SEL1L: variants seen among roughly 807,000 people sequenced by gnomAD.
SEL1L encodes protein sel-1 homolog 1.
Under a neutral mutation model 109.8 loss-of-function variants are expected in SEL1L, and 52 were observed. That is an observed-to-expected ratio of 0.47 (90% CI 0.38 to 0.60). The LOEUF is 0.60. Ranked by LOEUF, SEL1L falls within the 20% of genes least tolerant of loss-of-function variation. The pLI is 0.00. For missense variants in SEL1L, 749 were observed against 962.2 expected (o/e 0.78, Z 2.93); for synonymous variants, 373 against 339.6 (o/e 1.10, Z -1.08).
intron 3 of SEL1L, among the ~76,000 whole-genome samples, chr14:81,508,348 A>G (rs1404427501): frequency 6.6e-6 from 1 of 152,148 alleles, no homozygotes; most frequent in Non-Finnish European, 1.5e-5. Flanking sequence ...ATAGGCAAGG[A>G]ATCCTTTAGC....
intron 3 of SEL1L, among the ~76,000 whole-genome samples, chr14:81,521,347 T>A (rs1451510751): frequency 6.6e-6 from 1 of 152,042 alleles, no homozygotes; most frequent in Admixed American, 6.5e-5. Context: ...ATCCTTGTTC[T>A]GCCTGGAAAA....
At chr14:81,507,387 T>G (rs4899788) in intron 3 of SEL1L, among the ~76,000 whole-genome samples, 151,983 of 152,212 alleles carry the variant, frequency 1, 75,877 homozygotes, top group East Asian at 1. Flanking sequence ...CTCAAGTGAT[T>G]CTAAGGAGGT....
chr14:81,505,942 A>T, intron 4 of SEL1L, 132 bp downstream of exon 4: 1 of 815,978 alleles, frequency 1.2e-6, no homozygotes, highest in Non-Finnish European at 1.9e-6. Flanking sequence ...TCCACTCTTT[A>T]AGGCTGTAAT....
chr14:81,496,186 T>C (rs1883740430), intron 10 of SEL1L, among the ~76,000 whole-genome samples: 1 of 151,568 alleles, frequency 6.6e-6, no homozygotes, highest in African/African-American at 2.4e-5. Flanking sequence ...TAGCCGGGCA[T>C]GGTAGCGGGT....
chr14:81,479,787 T>C, intron 19 of SEL1L, 47 bp from the exon 20 acceptor site: 7 of 1,518,444 alleles, frequency 4.6e-6, no homozygotes, highest in Non-Finnish European at 5.4e-6. Flanking sequence ...TCAAAATAAG[T>C]AAAAATATTT....
At chr14:81,492,822 C>T (rs945107034) in intron 11 of SEL1L, among the ~76,000 whole-genome samples, 3 of 152,172 alleles carry the variant, frequency 2.0e-5, no homozygotes, top group Non-Finnish European at 4.4e-5. Flanking sequence ...GTACAACAAG[C>T]CTCCTGTTAC....
Position 81,526,837 on chromosome 14 carries a change from A to G in SEL1L, c.236T>C (p.Leu79Pro). The change falls in exon 3 of 21, where the codon CTC (leucine) becomes CCC (proline). Residue 79 changes from leucine (L) to proline (P), a missense_variant. Leu to Pro is a moderately conservative substitution (Grantham distance 98, BLOSUM62 -3). Transcript: ENST00000336735. The stretch of plus-strand genomic sequence containing the variant: ...GACACTTTCCCCCTCTTGGCTCTTG[A>G]GGCTGTCTTCCTCTTCTTGAATAGA... The part of the protein sequence containing the change: ...ESSIQEEEDS[L>P]KSQEGESVTE... 6.2e-7 allele frequency: 1 copy of G among 1,604,208 alleles called. No individual in the cohort carries two copies. The highest frequency in any genetic ancestry group is 1.1e-5 in the South Asian group (1 of 89,052).
intron 1 of SEL1L, among the ~76,000 whole-genome samples, chr14:81,533,071 T>C (rs1285141672): frequency 6.6e-6 from 1 of 152,174 alleles, no homozygotes; most frequent in African/African-American, 2.4e-5. Flanking sequence ...CATCATAAAA[T>C]GACTGTCAAC....
rs765368724 is a variant in SEL1L at position 81,490,376 on chromosome 14, A to G, written c.1332+12T>C. The G allele has an allele frequency of 2.4e-5, 39 of 1,601,666 alleles. No individual in the cohort carries two copies. Among genetic ancestry groups the G allele is most frequent in the Non-Finnish European group, 3.2e-5 (37 of 1,169,000 alleles). On this transcript the variant is annotated intron_variant, in intron 13 of 20. Transcript: ENST00000336735. The stretch of plus-strand genomic sequence containing the variant: ...ATGGTACACATTTCAGTACACTGAG[A>G]CAAAGCCTTACCATGTCAGCAGCTT...
chr14:81,523,149 C>T (rs892549616), intron 3 of SEL1L, among the ~76,000 whole-genome samples: 1 of 152,062 alleles, frequency 6.6e-6, no homozygotes, highest in African/African-American at 2.4e-5. Flanking sequence ...CTGGAGGTTC[C>T]TAGAGAGCCT....
At chr14:81,504,100 C>A (rs1422066594) in intron 5 of SEL1L, 101 bp downstream of exon 5, 1 of 613,324 alleles carries the variant, frequency 1.6e-6, no homozygotes. Flanking sequence ...TTAAAAAAAT[C>A]TTCTGCGTCT....
At chr14:81,523,873 G>A (rs1885014773) in intron 3 of SEL1L, among the ~76,000 whole-genome samples, 2 of 152,150 alleles carry the variant, frequency 1.3e-5, no homozygotes, top group African/African-American at 4.8e-5. Context: ...CAGTGAGAAA[G>A]AGAAAGAAAA....
In SEL1L at chr14:81,497,919, T is replaced by C. The variant is rs1883835667; in HGVS notation, c.1101A>G (p.Leu367=). 1 of 1,613,786 alleles carries C rather than the reference T, an allele frequency of 6.2e-7. No homozygotes were observed. The highest frequency in any genetic ancestry group is 8.5e-7 in the Non-Finnish European group (1 of 1,179,882). The change falls in exon 10 of 21, where the codon CTA becomes CTG. Residue 367 remains leucine (L), a synonymous_variant. Transcript: ENST00000336735. ...GTGCTTGTACATCACCTTTTTCAGC[T>C]AGGAACTGGTAATATTGAATCAAAT... The part of the protein sequence containing the change: ...EEDLIQYYQF[L]AEKGDVQAQV...
At position 81,479,625 on chromosome 14, in the gene SEL1L, A is replaced by G; in HGVS notation, c.2162T>C (p.Ile721Thr). ...CGGACCACTTACGTTTGTTTCCCGT[A>G]TGTACTGCAAGAAATAGACGACGCC... ...KLGVVYFLQY[I>T]RETNIRDMFT... is the part of the protein sequence containing the mutation. Residue 721 changes from isoleucine to threonine, a missense_variant, in exon 20 of 21, where the codon ATA (isoleucine) becomes ACA (threonine). Physicochemically the swap from Ile to Thr is moderately conservative, Grantham distance 89 (BLOSUM62 -1). This residue lies in a region of SEL1L where 383 missense variants were observed against 562.5 expected (regional missense o/e 0.68). Transcript: ENST00000336735. The G allele has an allele frequency of 6.2e-7, 1 of 1,612,652 alleles. No individual in the cohort carries two copies. The highest frequency in any genetic ancestry group is 8.5e-7 in the Non-Finnish European group (1 of 1,179,494).
chr14:81,486,205 G>A (rs1203363927), intron 17 of SEL1L, 84 bp downstream of exon 17: 3 of 1,271,350 alleles, frequency 2.4e-6, no homozygotes, highest in South Asian at 2.9e-5. Context: ...TTTCCTAGTA[G>A]CTTTTCTTTT....
intron 3 of SEL1L, among the ~76,000 whole-genome samples, chr14:81,511,819 C>T (rs1211558315): frequency 2.0e-5 from 3 of 152,132 alleles, no homozygotes; most frequent in Non-Finnish European, 4.4e-5. Context: ...TGAAATAGAT[C>T]AAGATGCCAA....
chr14:81,503,797 A>G (rs989902466), intron 5 of SEL1L, among the ~76,000 whole-genome samples: 1 of 152,206 alleles, frequency 6.6e-6, no homozygotes, highest in African/African-American at 2.4e-5. Context: ...ATGTTACGAG[A>G]TAATCACTTG....
intron 3 of SEL1L, among the ~76,000 whole-genome samples, chr14:81,516,601 T>C (rs762066630): frequency 2.0e-4 from 31 of 152,188 alleles, no homozygotes; most frequent in Admixed American, 4.6e-4. Flanking sequence ...TTCTAACTTA[T>C]AAAAGTGTAC....
chr14:81,479,805 A>C, intron 19 of SEL1L, 65 bp from the exon 20 acceptor site: 1 of 1,362,468 alleles, frequency 7.3e-7, no homozygotes, highest in African/African-American at 1.5e-5. Context: ...TTTAGTGAAC[A>C]TATTAGACGA....
Sources: allele counts gnomAD v4.1 joint callset (sites outside exome capture counted in the v4.1 genomes callset), GRCh38; gene constraint gnomAD v4.1.1; regional missense constraint gnomAD v4.1.1; transcripts MANE v1.5; gene names NCBI Gene and HGNC (gene_info 2026-07-23, HGNC 2026-07-21).